Variants in DYNC1I1 observed in about 807,000 individuals in gnomAD.
The protein encoded by DYNC1I1 is dynein cytoplasmic 1 intermediate chain 1, also known as cytoplasmic dynein 1 intermediate chain 1.
DYNC1I1 carries 43 observed loss-of-function variants against 86.6 expected under a neutral mutation model. The observed-to-expected ratio is 0.50, with a 90% CI of 0.39 to 0.64. The LOEUF (loss-of-function observed/expected upper bound fraction) is 0.64. DYNC1I1 is among the 30% of genes least tolerant of loss of function. DYNC1I1 has a pLI of 0.00. For missense variants in DYNC1I1, 604 were observed against 788.8 expected, an observed-to-expected ratio of 0.77 and a Z score of 2.81; for synonymous variants, 262 against 283.7, an observed-to-expected ratio of 0.92 and a Z score of 0.77.
intron 1 of DYNC1I1, among the ~76,000 whole-genome samples, chr7:95,785,818 T>TTA (rs1163846382): frequency 8.4e-6 from 1 of 118,610 alleles, no homozygotes; most frequent in Non-Finnish European, 1.7e-5. Flanking sequence ...TATATATATA[T>TTA]TATATATAAC....
chr7:95,817,192 T>C (rs1409975933), intron 4 of DYNC1I1, among the ~76,000 whole-genome samples: 1 of 150,734 alleles, frequency 6.6e-6, no homozygotes, highest in Admixed American at 6.6e-5. Context: ...AAGACCAGCC[T>C]GGGCAACATA....
At chr7:95,976,727 T>C (rs1258561227) in intron 6 of DYNC1I1, among the ~76,000 whole-genome samples, 1 of 152,214 alleles carries the variant, frequency 6.6e-6, no homozygotes, top group African/African-American at 2.4e-5. Context: ...TTGGATTTTC[T>C]TGTGACACCT....
chr7:96,027,962 A>G (rs1794720539), intron 10 of DYNC1I1, among the ~76,000 whole-genome samples: 1 of 152,236 alleles, frequency 6.6e-6, no homozygotes, highest in South Asian at 2.1e-4. Context: ...TCAGATTTCA[A>G]GCAGTAACCA....
chr7:95,882,392 A>G (rs916404378), intron 6 of DYNC1I1, among the ~76,000 whole-genome samples: 3 of 152,184 alleles, frequency 2.0e-5, no homozygotes, highest in Admixed American at 6.5e-5. Flanking sequence ...TTTCTCCAGA[A>G]GAAGAGGACA....
intron 6 of DYNC1I1, among the ~76,000 whole-genome samples, chr7:95,871,738 C>T (rs142395132): frequency 0.01 from 1,598 of 152,278 alleles, 16 homozygotes; most frequent in South Asian, 0.017. Context: ...AAAGGCTGTA[C>T]ATTCCATTTT....
chr7:95,810,240 A>T, intron 2 of DYNC1I1, 152 bp from the exon 3 acceptor site: 1 of 468,804 alleles, frequency 2.1e-6, no homozygotes, highest in Non-Finnish European at 3.6e-6. Flanking sequence ...TGGGGCAATT[A>T]TGGTGTTTAT....
intron 3 of DYNC1I1, 34 bp downstream of exon 3, chr7:95,810,540 A>G (rs1316423178): frequency 1.9e-6 from 3 of 1,577,076 alleles, no homozygotes; most frequent in Non-Finnish European, 2.6e-6. Flanking sequence ...CTATTCCTCA[A>G]AATCAACTTG....
chr7:95,774,929 T>G (rs557035064), intron 1 of DYNC1I1, among the ~76,000 whole-genome samples: 9 of 152,334 alleles, frequency 5.9e-5, no homozygotes, highest in African/African-American at 2.2e-4. Flanking sequence ...AAAGGTCACA[T>G]GCATCTGTTT....
chr7:95,969,156 T>C (rs1168925492), intron 6 of DYNC1I1, among the ~76,000 whole-genome samples: 1 of 152,200 alleles, frequency 6.6e-6, no homozygotes, highest in Non-Finnish European at 1.5e-5. Flanking sequence ...TTATGTAGTC[T>C]ATCAGTTTGA....
rs1243182715 is a variant in DYNC1I1, at chr7:96,079,745, G to A, written c.1651-618G>A. ...CTTATTACACTTCGGTACTGCCAGA[G>A]GGAGGAAGACAGATTTAACAAAAGA... On this transcript the variant is annotated intron_variant, in intron 15 of 16. Coordinates refer to ENST00000447467, the MANE Select transcript of DYNC1I1 (RefSeq NM_001135556.2). Among the ~76,000 whole-genome samples the A allele has an allele frequency of 2.0e-5, 3 of 152,160 alleles. No homozygotes were observed. In the East Asian group the frequency reaches 5.8e-4, roughly 29 times the overall value.
chr7:95,818,020 G>A (rs1306445867), intron 4 of DYNC1I1, among the ~76,000 whole-genome samples: 1 of 152,132 alleles, frequency 6.6e-6, no homozygotes, highest in Non-Finnish European at 1.5e-5. Context: ...CCAAATGGAA[G>A]GAAATGTTGA....
downstream of DYNC1I1, among the ~76,000 whole-genome samples, chr7:96,102,714 A>T (rs977948284): frequency 6.6e-6 from 1 of 152,198 alleles, no homozygotes; most frequent in African/African-American, 2.4e-5. Context: ...AGCAGATGCT[A>T]TGATATTAAT....
At chr7:96,032,522 C>G (rs558075858) in intron 11 of DYNC1I1, 145 bp from the exon 12 acceptor site, 1 of 609,400 alleles carries the variant, frequency 1.6e-6, no homozygotes, top group Non-Finnish European at 2.8e-6. Flanking sequence ...AGGTTCAAAT[C>G]AAAAGCGGCA....
At chr7:95,970,377 G>GT (rs1375840121) in intron 6 of DYNC1I1, among the ~76,000 whole-genome samples, 4 of 152,092 alleles carry the variant, frequency 2.6e-5, no homozygotes, top group African/African-American at 9.7e-5. Context: ...TGACTCTTGT[G>GT]TTTTTTAAAA....
In DYNC1I1 at chr7:95,809,044, A is replaced by C. The variant is rs186711517; in HGVS notation, c.109-1348A>C. Among the ~76,000 whole-genome samples the C allele has an allele frequency of 2.8e-3, 430 of 152,300 alleles. 1 individual carries two copies. The highest frequency in any genetic ancestry group is 7.3e-3 in the Admixed American group (112 of 15,280). ...TGATAAGAGATTAAACTGCCATTTC[A>C]TAATTTTGGGTTATGCAGAGTGTCT... On this transcript the variant is annotated intron_variant, in intron 2 of 16. Coordinates refer to ENST00000447467, the MANE Select transcript of DYNC1I1 (RefSeq NM_001135556.2).
chr7:95,995,371 G>C (rs1195113289), intron 9 of DYNC1I1, among the ~76,000 whole-genome samples: 1 of 152,202 alleles, frequency 6.6e-6, no homozygotes, highest in Non-Finnish European at 1.5e-5. Context: ...GTTTCGTGTG[G>C]AAGTCAATGA....
At chr7:95,976,021 A>T (rs370989587) in intron 6 of DYNC1I1, among the ~76,000 whole-genome samples, 1 of 152,208 alleles carries the variant, frequency 6.6e-6, no homozygotes, top group African/African-American at 2.4e-5. Flanking sequence ...AAGGACATAG[A>T]TATGCTATTT....
At chr7:95,985,110 A>G in intron 8 of DYNC1I1, 133 bp downstream of exon 8, 2 of 1,252,626 alleles carry the variant, frequency 1.6e-6, no homozygotes, top group Non-Finnish European at 2.2e-6. Flanking sequence ...GATCTTGCTG[A>G]ACAGCTTTGA....
chr7:96,078,203 G>A (rs1790401387), intron 15 of DYNC1I1, among the ~76,000 whole-genome samples: 1 of 152,082 alleles, frequency 6.6e-6, no homozygotes, highest in Admixed American at 6.6e-5. Context: ...TCCTATGCAA[G>A]GATAGTTCAT....
Sources: allele counts gnomAD v4.1 joint callset (sites outside exome capture counted in the v4.1 genomes callset), GRCh38; gene constraint gnomAD v4.1.1; transcripts MANE v1.5; gene names NCBI Gene and HGNC (gene_info 2026-07-23, HGNC 2026-07-21).